The following CAMSAP1 variants were observed in gnomAD, a reference collection of about 807,000 sequenced individuals.
The protein encoded by CAMSAP1 is calmodulin regulated spectrin associated protein 1, also known as calmodulin-regulated spectrin-associated protein 1.
CAMSAP1 carries 58 observed loss-of-function variants against 143.5 expected under a neutral mutation model. The observed-to-expected ratio is 0.40, with a 90% CI of 0.33 to 0.50. The LOEUF is 0.50. CAMSAP1 is among the 20% of genes least tolerant of loss of function. CAMSAP1 has a pLI of 0.45. For missense variants in CAMSAP1, 1,969 were observed against 2,115.7 expected (o/e 0.93, Z 1.36); for synonymous variants, 945 against 859.3 (o/e 1.10, Z -1.74).
intron 1 of CAMSAP1, among the ~76,000 whole-genome samples, chr9:135,894,462 G>A (rs918656361): frequency 3.3e-5 from 5 of 152,210 alleles, no homozygotes; most frequent in African/African-American, 9.6e-5. Context: ...ACCCAGCCTG[G>A]GAAGCTCTTG....
At chr9:135,884,978 G>T (rs930264631) in intron 1 of CAMSAP1, among the ~76,000 whole-genome samples, 1 of 152,182 alleles carries the variant, frequency 6.6e-6, no homozygotes, top group Non-Finnish European at 1.5e-5. Flanking sequence ...GTTTGCAGCA[G>T]TTCACACCGG....
chr9:135,863,448 C>A (rs1215434203), intron 4 of CAMSAP1, among the ~76,000 whole-genome samples: 1 of 152,168 alleles, frequency 6.6e-6, no homozygotes, highest in Non-Finnish European at 1.5e-5. Context: ...GCATTTCTTG[C>A]CAACCACATT....
intron 7 of CAMSAP1, among the ~76,000 whole-genome samples, chr9:135,832,009 A>G (rs1835876299): frequency 6.6e-6 from 1 of 152,230 alleles, no homozygotes; most frequent in Non-Finnish European, 1.5e-5. Context: ...ACTGAATTCT[A>G]CCAATTCTTC....
intron 1 of CAMSAP1, 62 bp downstream of exon 1, chr9:135,906,938 C>T (rs191016761): frequency 0.022 from 19,840 of 916,156 alleles, 253 homozygotes; most frequent in South Asian, 0.031. Flanking sequence ...CGGACCCCGG[C>T]CGCGTCCCCC....
intron 5 of CAMSAP1, among the ~76,000 whole-genome samples, chr9:135,853,986 G>A (rs1836866629): frequency 6.6e-6 from 1 of 152,214 alleles, no homozygotes. Context: ...TTTTACATAG[G>A]ATTTTCAATC....
chr9:135,889,493 C>T (rs185552429), intron 1 of CAMSAP1, among the ~76,000 whole-genome samples: 3 of 152,308 alleles, frequency 2.0e-5, no homozygotes, highest in Admixed American at 1.3e-4. Context: ...GAAGCCCGAA[C>T]GAAACAAAAA....
chr9:135,898,641 G>A (rs188250634), intron 1 of CAMSAP1, among the ~76,000 whole-genome samples: 22 of 152,272 alleles, frequency 1.4e-4, no homozygotes, highest in African/African-American at 4.3e-4. Context: ...TAAGTCATCA[G>A]GGAAATGCAT....
At chr9:135,833,247 A>C (rs191037244) in intron 7 of CAMSAP1, among the ~76,000 whole-genome samples, 1 of 151,966 alleles carries the variant, frequency 6.6e-6, no homozygotes, top group Non-Finnish European at 1.5e-5. Flanking sequence ...ACGCCCGGCT[A>C]ATTTTTTGTA....
rs202108390 is a variant in CAMSAP1 at position 135,818,365 on chromosome 9, C to T, written c.4168+43G>A. Reference sequence around the variant, plus strand: ...AGCTGAAGAACGTGAGGCCGCCGCCCGCGGAAGGAAGCGCTGCCCGCGTGA... The same window carrying T: ...AGCTGAAGAACGTGAGGCCGCCGCCTGCGGAAGGAAGCGCTGCCCGCGTGA... On this transcript the variant is annotated intron_variant, in intron 13 of 16. Transcript: ENST00000389532. This position sits in a 1 kb window ranked among gnomAD's most constrained non-coding sequence, Gnocchi z 7.7. 2.0e-4 allele frequency: 305 copies of T among 1,515,866 alleles called. 1 individual carries two copies. In the African/African-American group the frequency reaches 3.6e-3, roughly 18 times the overall value. 93.9% of individuals were successfully genotyped at this position (1,515,866 alleles called of 1,614,324 possible).
intron 11 of CAMSAP1, 72 bp from the exon 12 acceptor site, chr9:135,819,218 G>A: frequency 1.3e-6 from 2 of 1,506,734 alleles, no homozygotes; most frequent in African/African-American, 1.4e-5. Flanking sequence ...ACTCGACCCA[G>A]CAGCCGACTT....
intron 7 of CAMSAP1, among the ~76,000 whole-genome samples, chr9:135,849,240 G>A (rs1007798853): frequency 5.9e-5 from 9 of 152,228 alleles, no homozygotes; most frequent in Admixed American, 5.9e-4. Flanking sequence ...GCCTGTTTTA[G>A]AATAAAGTGC....
chr9:135,891,268 A>T (rs564532424), intron 1 of CAMSAP1, among the ~76,000 whole-genome samples: 3 of 152,360 alleles, frequency 2.0e-5, no homozygotes, highest in Middle Eastern at 3.4e-3. Context: ...GAAACAGGGA[A>T]GCCTAGGCAC....
intron 3 of CAMSAP1, among the ~76,000 whole-genome samples, chr9:135,874,278 G>T (rs1192969615): frequency 6.6e-6 from 1 of 152,164 alleles, no homozygotes; most frequent in Non-Finnish European, 1.5e-5. Context: ...TTCAAGATCA[G>T]CCTGGGCAAC....
intron 1 of CAMSAP1, among the ~76,000 whole-genome samples, chr9:135,892,646 T>A (rs367819877): frequency 6.0e-5 from 9 of 150,020 alleles, no homozygotes; most frequent in African/African-American, 2.2e-4. Context: ...AGGTCAGGAG[T>A]TGGAGACCAT....
At chr9:135,864,959 A>G (rs1222503945) in intron 4 of CAMSAP1, among the ~76,000 whole-genome samples, 1 of 152,208 alleles carries the variant, frequency 6.6e-6, no homozygotes, top group Admixed American at 6.5e-5. Context: ...CAGATGTCAC[A>G]TTACATACCA....
At chr9:135,814,110 C>T (rs990077478) in intron 16 of CAMSAP1, among the ~76,000 whole-genome samples, 4 of 152,216 alleles carry the variant, frequency 2.6e-5, no homozygotes, top group African/African-American at 9.6e-5. Flanking sequence ...GGCCAACCAC[C>T]TCTCCGTGTG....
rs1835452491 is a variant in CAMSAP1 at position 135,821,388 on chromosome 9, G to A, written c.3273C>T (p.Pro1091=). 1 of 1,613,866 alleles carries A rather than the reference G, an allele frequency of 6.2e-7. No homozygotes were observed. Among genetic ancestry groups the A allele is most frequent in the Non-Finnish European group, 8.5e-7 (1 of 1,179,816 alleles). The stretch of plus-strand genomic sequence containing the variant: ...GGGAATTCCGGCCTTGACCCAGCCG[G>A]GGGGCTTTGCGGTGGCCAGCCACGC... ...PTGVAGHRKA[P]RLGQGRNSRS... Residue 1091 remains proline (P), a synonymous_variant, in exon 11 of 17, where the codon CCC becomes CCT. Transcript: ENST00000389532. This position sits in a 1 kb window ranked among gnomAD's most constrained non-coding sequence, Gnocchi z 4.6.
intron 3 of CAMSAP1, among the ~76,000 whole-genome samples, 175 bp downstream of exon 3, chr9:135,881,458 C>A (rs889943316): frequency 6.6e-6 from 1 of 152,174 alleles, no homozygotes; most frequent in Non-Finnish European, 1.5e-5. Context: ...GGGAGAAACA[C>A]CTGCTTGCTT....
intron 1 of CAMSAP1, among the ~76,000 whole-genome samples, chr9:135,887,988 A>G (rs1799122742): frequency 6.6e-6 from 1 of 152,208 alleles, no homozygotes; most frequent in Non-Finnish European, 1.5e-5. Context: ...GACTCTAACC[A>G]GTCTGCAGTG....
Sources: allele counts gnomAD v4.1 joint callset (sites outside exome capture counted in the v4.1 genomes callset), GRCh38; gene constraint gnomAD v4.1.1; non-coding constraint Gnocchi (gnomAD v3.1); transcripts MANE v1.5; gene names NCBI Gene and HGNC (gene_info 2026-07-23, HGNC 2026-07-21).